The following TF variants were observed in gnomAD, a reference collection of about 807,000 sequenced individuals.
The protein encoded by TF is transferrin, also known as serotransferrin.
In TF, 55 loss-of-function variants were observed where a neutral mutation model predicts 82.4. That is an observed-to-expected ratio of 0.67 (90% CI 0.54 to 0.84). The LOEUF is 0.84. TF is among the 40% of genes least tolerant of loss of function. TF has a pLI of 0.00. For missense variants in TF, 737 were observed against 868.4 expected, an observed-to-expected ratio of 0.85 and a Z score of 1.90; for synonymous variants, 332 against 332.6, an observed-to-expected ratio of 1.00 and a Z score of 0.02.
chr3:133,668,685 A>T, the TF span, among the ~76,000 whole-genome samples: 1 of 152,196 alleles, frequency 6.6e-6, no homozygotes, highest in South Asian at 2.1e-4. Context: ...GCACTCATGC[A>T]CATTAGGAAA....
rs1934743819 is a variant in TF, at chr3:133,788,447, T to C, written c.*9827T>C. On this transcript the variant is annotated 3_prime_UTR_variant, in exon 17 of 17. Coordinates refer to ENST00000402696, the MANE Select transcript of TF (RefSeq NM_001063.4). ...TTCTCCCACCCTGTGGAGCGTACTTTCATTTCATAAATCTCTGCTTTTGTT... is the reference window on the plus strand; with the variant it reads ...TTCTCCCACCCTGTGGAGCGTACTTCCATTTCATAAATCTCTGCTTTTGTT... The C allele has an allele frequency of 6.6e-6, 1 of 152,254 alleles. No homozygotes were observed. The highest frequency in any genetic ancestry group is 2.1e-4 in the South Asian group (1 of 4,832). 9.4% of individuals were successfully genotyped at this position (152,254 alleles called of 1,614,324 possible). A position where few individuals can be genotyped will look rare whatever the true frequency, so the allele number is the denominator to read the frequency against.
intron 9 of TF, 139 bp downstream of exon 9, chr3:133,759,468 C>A (rs1053856165): frequency 1.9e-6 from 2 of 1,030,388 alleles, no homozygotes; most frequent in East Asian, 2.5e-5. Context: ...GTGAGCACAG[C>A]CCCACCGGAG....
chr3:133,669,080 A>C, the TF span, among the ~76,000 whole-genome samples: 1 of 151,868 alleles, frequency 6.6e-6, no homozygotes, highest in Non-Finnish European at 1.5e-5. Flanking sequence ...AGTTCACTGC[A>C]ACCTCCGCCT....
At chr3:133,758,126 T>C (rs948033453) in intron 8 of TF, among the ~76,000 whole-genome samples, 180 bp downstream of exon 8, 3 of 152,234 alleles carry the variant, frequency 2.0e-5, no homozygotes, top group Admixed American at 6.5e-5. Context: ...GAGATGGCCT[T>C]GATGTCACCA....
chr3:133,743,830 G>A (rs554494977), upstream of TF, among the ~76,000 whole-genome samples: 2 of 152,146 alleles, frequency 1.3e-5, no homozygotes, highest in Non-Finnish European at 2.9e-5. Context: ...ACCTTCACAT[G>A]CTCCTATAGA....
chr3:133,666,837 C>A, the TF span, among the ~76,000 whole-genome samples: 1 of 151,616 alleles, frequency 6.6e-6, no homozygotes, highest in Non-Finnish European at 1.5e-5. Context: ...AAGATCGAGA[C>A]CATCCTGGCT....
chr3:133,739,278 C>T, the TF span, among the ~76,000 whole-genome samples: 1 of 152,160 alleles, frequency 6.6e-6, no homozygotes, highest in African/African-American at 2.4e-5. Context: ...AAAACTGAAA[C>T]TGGACCCCTT....
At chr3:133,771,731 G>A (rs559292307) in intron 14 of TF, among the ~76,000 whole-genome samples, 4 of 76,990 alleles carry the variant, frequency 5.2e-5, no homozygotes, top group East Asian at 3.5e-4. Flanking sequence ...GCGACAGAGC[G>A]AGACTCCGTC....
At chr3:133,736,631 CAAAAAAAAA>C in the TF span, among the ~76,000 whole-genome samples, 1 of 32,552 alleles carries the variant, frequency 3.1e-5, no homozygotes. Flanking sequence ...AATGGAAAGC[CAAAAAAAAA>C]AAAAAAAAAA....
chr3:133,722,097 A>C, the TF span, among the ~76,000 whole-genome samples: 52 of 152,034 alleles, frequency 3.4e-4, no homozygotes, highest in African/African-American at 1.2e-3. Flanking sequence ...GCACAGGCTG[A>C]TCTCAAACTC....
chr3:133,728,276 C>G, the TF span, among the ~76,000 whole-genome samples: 2 of 152,234 alleles, frequency 1.3e-5, no homozygotes, highest in Non-Finnish European at 2.9e-5. Context: ...TTCTCCCCGT[C>G]ACTTTCAGGT....
At chr3:133,715,498 C>A in the TF span, among the ~76,000 whole-genome samples, 2 of 152,298 alleles carry the variant, frequency 1.3e-5, no homozygotes, top group East Asian at 3.9e-4. Flanking sequence ...TCTACTAGAT[C>A]ATTTCCATCA....
chr3:133,775,606 C>T lies in TF; in HGVS notation c.1861C>T (p.Arg621Cys), dbSNP rs759649614. The stretch of plus-strand genomic sequence containing the variant: ...GGAAGCTTGCGTCCACAAGATATTA[C>T]GTCAACAGCAGGTATGGACCAGCCA... ...DKEACVHKIL[R>C]QQQHLFGSNV... is the part of the protein sequence containing the mutation. Residue 621 changes from arginine (R) to cysteine (C), a missense_variant, in exon 15 of 17, where the codon CGT (arginine) becomes TGT (cysteine). Arg to Cys is a radical substitution (Grantham distance 180). Transcript: ENST00000402696. 30 of 1,614,020 alleles carry T rather than the reference C, an allele frequency of 1.9e-5. No homozygotes were observed. The highest frequency in any genetic ancestry group is 8.3e-5 in the Admixed American group (5 of 60,014).
chr3:133,733,410 T>C, the TF span, among the ~76,000 whole-genome samples: 1 of 152,182 alleles, frequency 6.6e-6, no homozygotes, highest in African/African-American at 2.4e-5. Flanking sequence ...GTCCTGTAAA[T>C]AGTGTGTCAG....
chr3:133,711,337 C>G, the TF span, among the ~76,000 whole-genome samples: 1 of 152,204 alleles, frequency 6.6e-6, no homozygotes, highest in Non-Finnish European at 1.5e-5. Context: ...ATCCCCAACA[C>G]AGATCTCTCC....
At position 133,753,204 on chromosome 3, in the gene TF, C is replaced by G. The variant is rs376034597; in HGVS notation, c.217-391C>G. 4.6e-5 allele frequency among the ~76,000 whole-genome samples: 7 copies of G among 152,292 alleles called. No homozygotes were observed. The East Asian group carries it at 1.4e-3, about 29-fold the overall frequency. On this transcript the variant is annotated intron_variant, in intron 2 of 16. Coordinates refer to ENST00000402696, the MANE Select transcript of TF (RefSeq NM_001063.4). ...CCCAAGAGAGCTGTGTCCTTGACAG[C>G]AGAGTCCCCTCCAGAGACTGCATTG...
At chr3:133,708,354 A>G in the TF span, among the ~76,000 whole-genome samples, 2 of 152,220 alleles carry the variant, frequency 1.3e-5, no homozygotes, top group African/African-American at 4.8e-5. Context: ...AAAATAATAC[A>G]TAGCAAGATT....
rs181329139 is a variant in TF, at chr3:133,759,082, C to T, written c.1049-93C>T. On this transcript the variant is annotated intron_variant, in intron 8 of 16. Transcript: ENST00000402696. ...GTCTGTTTGTTTATTGCTGGCAAAT[C>T]CCAGCATTTGCATGAAGACAGTGAG... The T allele has an allele frequency of 1.3e-4, 201 of 1,507,720 alleles. 2 individuals are homozygous for T. In the Admixed American group the frequency reaches 3.2e-3, roughly 24 times the overall value. The allele number at this position is 1,507,720 out of a possible 1,614,324, so 93.4% of individuals were successfully genotyped here.
the TF span, among the ~76,000 whole-genome samples, chr3:133,693,112 A>G: frequency 7.9e-4 from 120 of 152,296 alleles, no homozygotes; most frequent in Non-Finnish European, 1.3e-3. Context: ...AACTCCTGGG[A>G]GCTGGCAGCT....
Sources: gnomAD v4.1 joint callset for allele counts (sites outside exome capture counted in the v4.1 genomes callset) on GRCh38, gnomAD v4.1.1 for gene constraint, MANE v1.5 for transcripts, NCBI Gene and HGNC (gene_info 2026-07-23, HGNC 2026-07-21) for gene names.